The following MTUS2 variants were observed in gnomAD, a reference collection of about 807,000 sequenced individuals.
MTUS2 encodes microtubule-associated tumor suppressor candidate 2.
In MTUS2, 40 loss-of-function variants were observed where a neutral mutation model predicts 114.1. That is an observed-to-expected ratio of 0.35 (90% CI 0.27 to 0.46). The LOEUF (loss-of-function observed/expected upper bound fraction) is 0.46. Among genes scored for constraint, MTUS2 ranks in the 20% least tolerant of loss-of-function variants. The probability of loss-of-function intolerance (pLI) is 1.00; values close to 1 mark genes in which losing one functional copy is unlikely to be tolerated. For synonymous variants in MTUS2, 688 were observed against 672.0 expected, an observed-to-expected ratio of 1.02 and a Z score of -0.37; for missense variants, 1,679 against 1,705.4, an observed-to-expected ratio of 0.98 and a Z score of 0.27.
chr13:29,010,989 G>A (rs1407500889), intron 2 of MTUS2, among the ~76,000 whole-genome samples: 1 of 152,122 alleles, frequency 6.6e-6, no homozygotes, highest in Non-Finnish European at 1.5e-5. Context: ...GAGAGGACGC[G>A]TTAGCATCAT....
intron 5 of MTUS2, among the ~76,000 whole-genome samples, chr13:29,225,211 T>C (rs1310942278): frequency 6.6e-6 from 1 of 152,250 alleles, no homozygotes; most frequent in Non-Finnish European, 1.5e-5. Flanking sequence ...CCTGTCTTTG[T>C]GTTCTCTTCC....
intron 5 of MTUS2, among the ~76,000 whole-genome samples, chr13:29,218,669 C>A (rs956239186): frequency 6.6e-6 from 1 of 152,184 alleles, no homozygotes; most frequent in African/African-American, 2.4e-5. Context: ...AAATAAGTGT[C>A]CTTTTTCATC....
At chr13:29,057,371 AT>A (rs1888184990) in intron 4 of MTUS2, among the ~76,000 whole-genome samples, 1 of 152,064 alleles carries the variant, frequency 6.6e-6, no homozygotes. Context: ...TGTCTCAATG[AT>A]CTGTCTAATA....
rs144076814 is a variant in MTUS2 at position 29,389,410 on chromosome 13, CGTGT to C, written c.3117+29944_3117+29947del. On this transcript the variant is annotated intron_variant, in intron 8 of 15. Coordinates refer to ENST00000612955, the MANE Select transcript of MTUS2 (RefSeq NM_001033602.4). ...ACACGTGTGTGTATATATGTATACA[CGTGT>C]GTGTGTATGTATACACGTGTGTGTA... is the stretch of plus-strand genomic sequence containing the variant. Among the ~76,000 whole-genome samples, 67 of 76,502 alleles carry C rather than the reference CGTGT, an allele frequency of 8.8e-4. 10 individuals carry two copies. Among genetic ancestry groups the C allele is most frequent in the African/African-American group, 2.8e-3 (54 of 19,466 alleles). 50.2% of individuals were successfully genotyped at this position (76,502 alleles called of 152,430 possible). A position where few individuals can be genotyped will look rare whatever the true frequency, so the allele number is the denominator to read the frequency against.
intron 2 of MTUS2, among the ~76,000 whole-genome samples, chr13:28,982,073 T>C (rs550091472): frequency 6.6e-5 from 10 of 152,224 alleles, no homozygotes; most frequent in South Asian, 2.1e-4. Context: ...TAATGGCCAA[T>C]GTAAATGTCT....
intron 8 of MTUS2, among the ~76,000 whole-genome samples, chr13:29,429,196 A>G (rs1876810401): frequency 6.6e-6 from 1 of 152,264 alleles, no homozygotes. Flanking sequence ...AGAACTGCCA[A>G]GAGATCTTTG....
At chr13:29,095,865 T>C (rs1890157274) in intron 4 of MTUS2, among the ~76,000 whole-genome samples, 1 of 152,110 alleles carries the variant, frequency 6.6e-6, no homozygotes, top group South Asian at 2.1e-4. Context: ...TGATGAAATA[T>C]TGTCGTCATA....
intron 3 of MTUS2, among the ~76,000 whole-genome samples, chr13:29,028,187 C>G (rs1018932994): frequency 6.6e-6 from 1 of 151,810 alleles, no homozygotes; most frequent in African/African-American, 2.4e-5. Flanking sequence ...CCCGTCTCTA[C>G]TAAAAATACA....
At chr13:29,009,513 G>A (rs562372680) in intron 2 of MTUS2, among the ~76,000 whole-genome samples, 57 of 152,226 alleles carry the variant, frequency 3.7e-4, no homozygotes, top group Non-Finnish European at 6.9e-4. Flanking sequence ...TGACATTCTG[G>A]AAAAGACAAA....
intron 5 of MTUS2, among the ~76,000 whole-genome samples, chr13:29,251,599 C>T (rs1004045806): frequency 3.9e-5 from 6 of 152,164 alleles, no homozygotes; most frequent in African/African-American, 1.4e-4. Flanking sequence ...CAGCTTCTGG[C>T]AACCGCCATT....
At chr13:28,987,342 C>T (rs1884633658) in intron 2 of MTUS2, among the ~76,000 whole-genome samples, 2 of 152,054 alleles carry the variant, frequency 1.3e-5, no homozygotes, top group South Asian at 2.1e-4. Context: ...GAGATCGAGT[C>T]GCATTGCACA....
At chr13:29,166,056 G>A (rs1893303223) in intron 5 of MTUS2, among the ~76,000 whole-genome samples, 1 of 152,148 alleles carries the variant, frequency 6.6e-6, no homozygotes, top group Non-Finnish European at 1.5e-5. Flanking sequence ...CTTGATTGTG[G>A]TGGTGACTCA....
chr13:29,192,783 A>G (rs750681742), intron 5 of MTUS2, among the ~76,000 whole-genome samples: 6 of 152,222 alleles, frequency 3.9e-5, no homozygotes, highest in South Asian at 2.1e-4. Context: ...TGAAATTTCA[A>G]TAATTTATCT....
chr13:28,868,457 G>T (rs1301580192), intron 2 of MTUS2, among the ~76,000 whole-genome samples: 1 of 152,166 alleles, frequency 6.6e-6, no homozygotes, highest in Non-Finnish European at 1.5e-5. Context: ...CATCTGCCCA[G>T]GGTGTTCCTT....
chr13:29,065,917 C>T (rs1888643773), intron 4 of MTUS2, among the ~76,000 whole-genome samples: 1 of 152,080 alleles, frequency 6.6e-6, no homozygotes, highest in Non-Finnish European at 1.5e-5. Context: ...TTCAAACCCC[C>T]CCCCACCTGA....
At chr13:29,078,630 T>G (rs1889303201) in intron 4 of MTUS2, among the ~76,000 whole-genome samples, 1 of 152,194 alleles carries the variant, frequency 6.6e-6, no homozygotes, top group Non-Finnish European at 1.5e-5. Context: ...CTTGTATCCA[T>G]TAGCAGCCAC....
At chr13:28,909,927 A>G (rs769080080) in intron 2 of MTUS2, among the ~76,000 whole-genome samples, 1 of 152,206 alleles carries the variant, frequency 6.6e-6, no homozygotes, top group Non-Finnish European at 1.5e-5. Flanking sequence ...GTAAGTATAT[A>G]TATTTATGGG....
At chr13:29,039,098 G>T (rs960325804) in intron 4 of MTUS2, among the ~76,000 whole-genome samples, 15 of 152,350 alleles carry the variant, frequency 9.8e-5, no homozygotes, top group African/African-American at 3.6e-4. Flanking sequence ...GAGGGGCCAG[G>T]TGCGGACCCA....
intron 6 of MTUS2, among the ~76,000 whole-genome samples, chr13:29,302,110 T>A (rs1482938475): frequency 6.6e-6 from 1 of 152,212 alleles, no homozygotes; most frequent in Non-Finnish European, 1.5e-5. Flanking sequence ...TCTCCAGCAC[T>A]CAGAGGAATG....
Sources: gnomAD v4.1 joint callset for allele counts (sites outside exome capture counted in the v4.1 genomes callset) on GRCh38, gnomAD v4.1.1 for gene constraint, MANE v1.5 for transcripts, NCBI Gene and HGNC (gene_info 2026-07-23, HGNC 2026-07-21) for gene names.